The following MRNIP variants were observed in gnomAD, a reference collection of about 807,000 sequenced individuals.
MRNIP encodes MRN complex interacting protein.
MRNIP carries 30 observed loss-of-function variants against 29.8 expected under a neutral mutation model. The ratio of observed to expected loss-of-function variants is 1.01; its 90% CI spans 0.75 to 1.36. The LOEUF is 1.36. MRNIP is among the 40% of genes most tolerant of loss of function. The pLI is 0.00. For missense variants in MRNIP, 459 were observed against 423.5 expected (o/e 1.08, Z -0.74); for synonymous variants, 201 against 164.1 (o/e 1.23, Z -1.72).
At position 179,848,037 on chromosome 5, in the gene MRNIP, A is replaced by G. The variant is rs753562032; in HGVS notation, c.156T>C (p.Cys52=). 1.6e-5 allele frequency: 26 copies of G among 1,613,944 alleles called. No homozygotes were observed. Among genetic ancestry groups the G allele is most frequent in the Non-Finnish European group, 2.1e-5 (25 of 1,179,934 alleles). ...GATTTAACTTTTGGACATGGCGTCT[A>G]CAATCAGCACCAGAGCCTTCACCAT... The part of the protein sequence containing the change: ...QAYGEGSGAD[C]RRHVQKLNLL... Residue 52 remains cysteine (C), a synonymous_variant, in exon 3 of 7, where the codon TGT becomes TGC. Coordinates refer to ENST00000292586, the MANE Select transcript of MRNIP (RefSeq NM_016175.4).
chr5:179,853,458 T>C (rs1385279023), intron 1 of MRNIP, 21 bp from the exon 2 acceptor site: 1 of 1,591,456 alleles, frequency 6.3e-7, no homozygotes, highest in Non-Finnish European at 8.6e-7. Flanking sequence ...ATTTCAGAAA[T>C]ACAACTCAGA....
chr5:179,843,579 A>G (rs1759004435), intron 4 of MRNIP, among the ~76,000 whole-genome samples: 2 of 152,062 alleles, frequency 1.3e-5, no homozygotes, highest in African/African-American at 2.4e-5. Flanking sequence ...CCTCTACAAA[A>G]AAGAAAAAAA....
At chr5:179,857,778 C>G (rs1028212455) in intron 1 of MRNIP, among the ~76,000 whole-genome samples, 3 of 152,044 alleles carry the variant, frequency 2.0e-5, no homozygotes, top group Non-Finnish European at 4.4e-5. Flanking sequence ...TTTGGGAGGC[C>G]GAGGCAGGCG....
chr5:179,846,248 T>C (rs1043970029), intron 3 of MRNIP: 2 of 152,150 alleles, frequency 1.3e-5, no homozygotes, highest in Non-Finnish European at 1.5e-5. Flanking sequence ...CTCCTGAGTA[T>C]ATTATGCTAC....
intron 1 of MRNIP, among the ~76,000 whole-genome samples, chr5:179,858,253 G>C (rs1395132305): frequency 6.6e-6 from 1 of 152,166 alleles, no homozygotes; most frequent in Non-Finnish European, 1.5e-5. Context: ...TAAGACTCCG[G>C]GGCCCGTGGT....
chr5:179,857,514 A>T (rs1759644125), intron 1 of MRNIP, among the ~76,000 whole-genome samples: 1 of 152,190 alleles, frequency 6.6e-6, no homozygotes, highest in Non-Finnish European at 1.5e-5. Flanking sequence ...TGTTTTTAAA[A>T]AACAGCATGA....
chr5:179,848,127 C>A (rs1281032093), intron 2 of MRNIP, 61 bp from the exon 3 acceptor site: 2 of 1,291,202 alleles, frequency 1.5e-6, no homozygotes. Context: ...AGAAACAGAT[C>A]CATTTGAGAT....
intron 3 of MRNIP, chr5:179,845,885 T>G (rs1039802050): frequency 5.3e-5 from 8 of 152,226 alleles, no homozygotes; most frequent in Admixed American, 1.3e-4. Context: ...TCACCAGGGT[T>G]GGTTAGCTGA....
intron 2 of MRNIP, chr5:179,851,306 C>T (rs1487615397): frequency 2.2e-5 from 10 of 455,956 alleles, no homozygotes; most frequent in South Asian, 7.7e-5. Flanking sequence ...GGTGGGCATC[C>T]GAGTCAGCCT....
chr5:179,847,864 G>T, intron 3 of MRNIP, 114 bp downstream of exon 3: 1 of 728,370 alleles, frequency 1.4e-6, no homozygotes, highest in South Asian at 1.7e-5. Flanking sequence ...CAGGGACCTG[G>T]GGCAGGTCCA....
intron 3 of MRNIP, among the ~76,000 whole-genome samples, chr5:179,844,526 G>A (rs181386111): frequency 6.6e-6 from 1 of 152,200 alleles, no homozygotes; most frequent in East Asian, 1.9e-4. Flanking sequence ...GGCTCAGGTG[G>A]ATCCTCCCAC....
At chr5:179,856,818 G>A (rs1363259627) in intron 1 of MRNIP, among the ~76,000 whole-genome samples, 1 of 152,148 alleles carries the variant, frequency 6.6e-6, no homozygotes, top group Non-Finnish European at 1.5e-5. Flanking sequence ...GGTCAGGGGC[G>A]CTGGCTCACA....
chr5:179,847,934 C>T (rs367647560), intron 3 of MRNIP, 44 bp downstream of exon 3: 17 of 1,368,376 alleles, frequency 1.2e-5, no homozygotes, highest in South Asian at 1.1e-4. Context: ...CCAGTCAAGA[C>T]GAAAACAGGG....
Position 179,837,547 on chromosome 5 carries a change from G to C in MRNIP, c.876C>G (p.Val292=). 1 of 1,614,256 alleles carries C rather than the reference G, an allele frequency of 6.2e-7. No individual in the cohort carries two copies. The highest frequency in any genetic ancestry group is 8.5e-7 in the Non-Finnish European group (1 of 1,180,046). Residue 292 remains valine, a synonymous_variant, in exon 7 of 7, where the codon GTC becomes GTG. Transcript: ENST00000292586. ...CGCAAGGCCTCTCAGACCCAGATGT[G>C]ACGGGGTGTGTGGCCCGAGGAAGCT... is the stretch of plus-strand genomic sequence containing the variant. ...AVQLPRATHP[V]TSGSERPCGK...
chr5:179,845,204 C>T (rs181748918), intron 3 of MRNIP, among the ~76,000 whole-genome samples: 1 of 122,792 alleles, frequency 8.1e-6, no homozygotes, highest in East Asian at 1.9e-4. Context: ...TTTTTAATTT[C>T]TTCTTTTTTT....
chr5:179,840,850 A>C, intron 6 of MRNIP, 22 bp downstream of exon 6: 2 of 1,533,562 alleles, frequency 1.3e-6, no homozygotes, highest in Non-Finnish European at 1.8e-6. Flanking sequence ...CTGGGACCAG[A>C]GAGAAACTGT....
intron 1 of MRNIP, among the ~76,000 whole-genome samples, chr5:179,855,107 C>T (rs1003441745): frequency 2.0e-5 from 3 of 152,110 alleles, no homozygotes; most frequent in African/African-American, 7.2e-5. Context: ...CTGCAGACCT[C>T]GGCCTCCCAA....
intron 1 of MRNIP, among the ~76,000 whole-genome samples, chr5:179,858,512 A>G (rs1315005909): frequency 1.3e-5 from 2 of 152,180 alleles, no homozygotes; most frequent in Non-Finnish European, 2.9e-5. Context: ...ACAAGAGGCC[A>G]CCTCCGCAGA....
chr5:179,841,786 G>A (rs1758889130), intron 5 of MRNIP, 121 bp downstream of exon 5: 1 of 1,059,994 alleles, frequency 9.4e-7, no homozygotes, highest in Admixed American at 2.3e-5. Flanking sequence ...TTTCCCACCT[G>A]CTGGCACTTG....
Sources: gnomAD v4.1 joint callset for allele counts (sites outside exome capture counted in the v4.1 genomes callset) on GRCh38, gnomAD v4.1.1 for gene constraint, MANE v1.5 for transcripts, NCBI Gene and HGNC (gene_info 2026-07-23, HGNC 2026-07-21) for gene names.